GSTCD: variants seen among roughly 807,000 people sequenced by gnomAD.
The protein encoded by GSTCD is glutathione S-transferase C-terminal domain-containing protein.
In GSTCD, 44 loss-of-function variants were observed where a neutral mutation model predicts 68.3. That is an observed-to-expected ratio of 0.64 (90% CI 0.51 to 0.83). The LOEUF (loss-of-function observed/expected upper bound fraction) is 0.83. Among genes scored for constraint, GSTCD ranks in the 40% least tolerant of loss-of-function variants. The pLI is 0.00. For missense variants in GSTCD, 739 were observed against 735.9 expected, an observed-to-expected ratio of 1.00 and a Z score of -0.05; for synonymous variants, 273 against 255.2, an observed-to-expected ratio of 1.07 and a Z score of -0.67.
chr4:105,825,291 G>C (rs1002347800), intron 7 of GSTCD, among the ~76,000 whole-genome samples: 2 of 151,976 alleles, frequency 1.3e-5, no homozygotes, highest in Non-Finnish European at 2.9e-5. Flanking sequence ...TACTATGCCC[G>C]GCTAATTTTT....
rs766742639 is a variant in GSTCD, at chr4:105,834,571, C to T, written c.1641C>T (p.Thr547=). The change falls in exon 9 of 12, where the codon ACC becomes ACT. Residue 547 remains threonine, a synonymous_variant. Coordinates refer to ENST00000515279, the MANE Select transcript of GSTCD (RefSeq NM_001370181.1). The stretch of plus-strand genomic sequence containing the variant: ...GCTGTTATGGTTTCATTCAGAACAC[C>T]TCAAAGTTCAATTTTCCAAAAAGGT... The part of the protein sequence containing the change: ...CPCCYGFIQN[T]SKFNFPKSEQ... 4 of 1,613,900 alleles carry T rather than the reference C, an allele frequency of 2.5e-6. No homozygotes were observed. The Admixed American group carries it at 6.7e-5, about 27-fold the overall frequency.
intron 5 of GSTCD, among the ~76,000 whole-genome samples, chr4:105,807,857 G>A (rs549543171): frequency 5.3e-5 from 8 of 152,138 alleles, no homozygotes; most frequent in East Asian, 3.9e-4. Context: ...TGAAACCATC[G>A]TGTTCTCCAG....
chr4:105,819,566 G>T (rs994622327), intron 5 of GSTCD, among the ~76,000 whole-genome samples: 3 of 151,590 alleles, frequency 2.0e-5, no homozygotes, highest in African/African-American at 7.3e-5. Context: ...GCAACTGTGG[G>T]GATAGAACCT....
At chr4:105,733,882 G>C (rs1366272357) in intron 5 of GSTCD, among the ~76,000 whole-genome samples, 1 of 152,108 alleles carries the variant, frequency 6.6e-6, no homozygotes, top group African/African-American at 2.4e-5. Flanking sequence ...GGCAGGCCTG[G>C]TGGTGACAAA....
chr4:105,825,081 T>G (rs1429946709), intron 7 of GSTCD, among the ~76,000 whole-genome samples: 1 of 151,734 alleles, frequency 6.6e-6, no homozygotes. Flanking sequence ...TTTGGTTTTT[T>G]TGTTTGCTTG....
In GSTCD at chr4:105,845,792, A is replaced by G. The variant is rs182949214; in HGVS notation, c.*215A>G. The G allele has an allele frequency of 1.9e-6, 1 of 526,888 alleles. No homozygotes were observed. Among genetic ancestry groups the G allele is most frequent in the Non-Finnish European group, 3.4e-6 (1 of 293,788 alleles). 32.6% of individuals were successfully genotyped at this position (526,888 alleles called of 1,614,324 possible). ...TGTGATTAAAGGACTGCTGGTTTTT[A>G]TAGTGAGAATCCCCTGAAGTCTCAG... On this transcript the variant is annotated 3_prime_UTR_variant, in exon 12 of 12. Coordinates refer to ENST00000515279, the MANE Select transcript of GSTCD (RefSeq NM_001370181.1).
chr4:105,808,934 G>T (rs1553964529), intron 5 of GSTCD, among the ~76,000 whole-genome samples: 1 of 152,048 alleles, frequency 6.6e-6, no homozygotes, highest in Non-Finnish European at 1.5e-5. Flanking sequence ...CTGCAATATT[G>T]CAGTGCTTGA....
intron 5 of GSTCD, among the ~76,000 whole-genome samples, chr4:105,734,408 ACTTCT>A (rs1733381033): frequency 6.6e-6 from 1 of 151,680 alleles, no homozygotes; most frequent in South Asian, 2.1e-4. Context: ...TTTTCTCTAA[ACTTCT>A]CTTCTTGCTT....
intron 5 of GSTCD, among the ~76,000 whole-genome samples, chr4:105,811,797 G>T (rs1051564294): frequency 6.6e-6 from 1 of 152,138 alleles, no homozygotes; most frequent in Non-Finnish European, 1.5e-5. Flanking sequence ...GGCATGAAAA[G>T]GTGAGACTTT....
chr4:105,813,756 A>G (rs1312645586), intron 5 of GSTCD, among the ~76,000 whole-genome samples: 1 of 152,112 alleles, frequency 6.6e-6, no homozygotes, highest in African/African-American at 2.4e-5. Flanking sequence ...CTTGTTTCCC[A>G]TGGCTGGCTT....
intron 5 of GSTCD, among the ~76,000 whole-genome samples, chr4:105,734,405 T>C (rs1447270969): frequency 6.6e-6 from 1 of 152,234 alleles, no homozygotes; most frequent in African/African-American, 2.4e-5. Context: ...CTTTTTTCTC[T>C]AAACTTCTCT....
At chr4:105,772,053 G>GTGGTTTGTAGTTCTTGAAAA (rs1197789294) in intron 5 of GSTCD, among the ~76,000 whole-genome samples, 15 of 152,298 alleles carry the variant, frequency 9.8e-5, no homozygotes, top group African/African-American at 3.4e-4. Flanking sequence ...TCCTTGAGCA[G>GTGGTTTGTAGTTCTTGAAAA]TGGTTTGTAG....
In GSTCD at chr4:105,728,776, T is replaced by G. The variant is rs539799530; in HGVS notation, c.1147-630T>G. On this transcript the variant is annotated intron_variant, in intron 4 of 11. Transcript: ENST00000515279. The stretch of plus-strand genomic sequence containing the variant: ...TGAATCCATGTGTATGCCATGCCAC[T>G]GTACGTAGATCAAATAAACAAATGT... Among the ~76,000 whole-genome samples, 16 of 152,220 alleles carry G rather than the reference T, an allele frequency of 1.1e-4. No individual in the cohort carries two copies. In the South Asian group the frequency reaches 3.3e-3, roughly 32 times the overall value.
chr4:105,743,681 T>A (rs914720857), intron 5 of GSTCD, among the ~76,000 whole-genome samples: 1 of 126,792 alleles, frequency 7.9e-6, no homozygotes, highest in African/African-American at 3.6e-5. Context: ...TTTTTTTTTA[T>A]GGAGTCTGGC....
chr4:105,760,186 AGAG>A (rs1240985024), intron 5 of GSTCD, among the ~76,000 whole-genome samples: 1 of 139,924 alleles, frequency 7.1e-6, no homozygotes, highest in African/African-American at 2.8e-5. Flanking sequence ...AAAAAAAAAA[AGAG>A]AGAATTCAAG....
chr4:105,809,608 G>A (rs1722672037), intron 5 of GSTCD, among the ~76,000 whole-genome samples: 2 of 151,884 alleles, frequency 1.3e-5, no homozygotes, highest in South Asian at 4.2e-4. Context: ...ACCCCCACTG[G>A]AATGTGTACT....
chr4:105,723,840 T>C (rs1310330363), intron 3 of GSTCD, among the ~76,000 whole-genome samples: 1 of 151,834 alleles, frequency 6.6e-6, no homozygotes, highest in African/African-American at 2.4e-5. Flanking sequence ...AAATAGCAAC[T>C]TGAAAAATAC....
At position 105,753,725 on chromosome 4, in the gene GSTCD, G is replaced by C. The variant is rs182624738; in HGVS notation, c.1240+24226G>C. Among the ~76,000 whole-genome samples, 676 of 152,136 alleles carry C rather than the reference G, an allele frequency of 4.4e-3. 6 individuals carry two copies. The highest frequency in any genetic ancestry group is 7.1e-3 in the Non-Finnish European group (483 of 67,918). On this transcript the variant is annotated intron_variant, in intron 5 of 11. Transcript: ENST00000515279. ...AGAATCAATCCTTCACTGATACTAA[G>C]GGATGACTGTAGTTTATACATAAAC... is the stretch of plus-strand genomic sequence containing the variant.
chr4:105,752,486 T>C (rs150062481), intron 5 of GSTCD, among the ~76,000 whole-genome samples: 8 of 152,124 alleles, frequency 5.3e-5, no homozygotes, highest in Middle Eastern at 3.2e-3. Context: ...TAAAACAAAA[T>C]GCAATTATTT....
Sources: allele counts gnomAD v4.1 joint callset (sites outside exome capture counted in the v4.1 genomes callset), GRCh38; gene constraint gnomAD v4.1.1; transcripts MANE v1.5; gene names NCBI Gene and HGNC (gene_info 2026-07-23, HGNC 2026-07-21).